Variants in PLEKHB1 observed in about 807,000 individuals in gnomAD.
The protein encoded by PLEKHB1 is pleckstrin homology domain-containing family B member 1.
Under a neutral mutation model 36.2 loss-of-function variants are expected in PLEKHB1, and 29 were observed. The observed-to-expected ratio is 0.80, with a 90% CI of 0.60 to 1.09. PLEKHB1 has a LOEUF of 1.09. PLEKHB1 is among the 50% of genes least tolerant of loss of function. The pLI is 0.00. For synonymous variants in PLEKHB1, 138 were observed against 140.0 expected (o/e 0.99, Z 0.10); for missense variants, 330 against 348.2 (o/e 0.95, Z 0.42).
rs56012892 is a variant in PLEKHB1, at chr11:73,646,680, C to A, written c.18+54C>A. On this transcript the variant is annotated intron_variant, in intron 1 of 7. Coordinates refer to ENST00000354190, the MANE Select transcript of PLEKHB1 (RefSeq NM_021200.3). Reference sequence around the variant, plus strand: ...AAGGGCCCAGGGCAGGGTGGGCACCCTTGCCACATAGGGGACGGGACAGAA... The same window carrying A: ...AAGGGCCCAGGGCAGGGTGGGCACCATTGCCACATAGGGGACGGGACAGAA... 5,616 of 1,541,368 alleles carry A rather than the reference C, an allele frequency of 3.6e-3. 13 individuals carry two copies. Among genetic ancestry groups the A allele is most frequent in the Non-Finnish European group, 4.3e-3 (4,945 of 1,138,100 alleles).
At chr11:73,652,922 A>G in intron 4 of PLEKHB1, 53 bp from the exon 5 acceptor site, 2 of 1,524,870 alleles carry the variant, frequency 1.3e-6, no homozygotes, top group Non-Finnish European at 1.8e-6. Flanking sequence ...TGGGGGCCCA[A>G]TTCACCCACC....
chr11:73,652,957 G>A lies in PLEKHB1; in HGVS notation c.351-18G>A. On this transcript the variant is annotated intron_variant, in intron 4 of 7. Coordinates refer to ENST00000354190, the MANE Select transcript of PLEKHB1 (RefSeq NM_021200.3). ...CCCCAAACTCCCTCCTCATGGTCTG[G>A]TGGGATTTGCTTTGCAGAGCATGGA... The A allele has an allele frequency of 6.2e-7, 1 of 1,603,784 alleles. No individual in the cohort carries two copies. The highest frequency in any genetic ancestry group is 8.5e-7 in the Non-Finnish European group (1 of 1,173,224).
intron 2 of PLEKHB1, 70 bp downstream of exon 2, chr11:73,649,157 A>G: frequency 7.2e-6 from 11 of 1,526,474 alleles, no homozygotes; most frequent in Non-Finnish European, 9.7e-6. Context: ...GCCACGGGGA[A>G]CACTTCTCTC....
chr11:73,659,516 C>A (rs1338836040), intron 6 of PLEKHB1, among the ~76,000 whole-genome samples: 1 of 152,310 alleles, frequency 6.6e-6, no homozygotes, highest in African/African-American at 2.4e-5. Flanking sequence ...CTGGTATGCA[C>A]TTGGCCCTGC....
intron 7 of PLEKHB1, 127 bp downstream of exon 7, chr11:73,660,979 A>G: frequency 1.2e-6 from 1 of 850,348 alleles, no homozygotes; most frequent in South Asian, 1.6e-5. Flanking sequence ...CCCAGGCAGA[A>G]CTCTCCGCAA....
In PLEKHB1 at chr11:73,661,374, A is replaced by C; in HGVS notation, c.596-92A>C. On this transcript the variant is annotated intron_variant, in intron 7 of 7. Coordinates refer to ENST00000354190, the MANE Select transcript of PLEKHB1 (RefSeq NM_021200.3). This position sits in a 1 kb window ranked among gnomAD's most constrained non-coding sequence, Gnocchi z 4.6. ...CAGGAGAGTGGGTTCGGCGCCTTAC[A>C]CTGGGTTGGGCTGGAGTGATGCAGG... 2 of 1,465,638 alleles carry C rather than the reference A, an allele frequency of 1.4e-6. No individual in the cohort carries two copies. Among genetic ancestry groups the C allele is most frequent in the Non-Finnish European group, 1.9e-6 (2 of 1,060,498 alleles). The allele number at this position is 1,465,638 out of a possible 1,614,324, so 90.8% of individuals were successfully genotyped here.
intron 2 of PLEKHB1, among the ~76,000 whole-genome samples, chr11:73,649,812 G>A (rs1779935209): frequency 6.6e-6 from 1 of 152,180 alleles, no homozygotes; most frequent in Non-Finnish European, 1.5e-5. Flanking sequence ...ACTGAGCCAG[G>A]TCTCCCTGGG....
intron 6 of PLEKHB1, among the ~76,000 whole-genome samples, chr11:73,657,858 T>C (rs1945025059): frequency 6.6e-6 from 1 of 152,218 alleles, no homozygotes; most frequent in African/African-American, 2.4e-5. Context: ...ACCGTAGAGT[T>C]CACTGACTTA....
At chr11:73,646,681 T>C (rs1944778439) in intron 1 of PLEKHB1, 55 bp downstream of exon 1, 1 of 1,539,236 alleles carries the variant, frequency 6.5e-7, no homozygotes, top group Non-Finnish European at 8.8e-7. Context: ...GTGGGCACCC[T>C]TGCCACATAG....
rs575422727 is a variant in PLEKHB1 at position 73,659,739 on chromosome 11, G to A, written c.496-1014G>A. ...AAGGGTTGGCAGAAATCTAATGGGA[G>A]AGAGGGGAGGGCAGGGAATGCATTC... On this transcript the variant is annotated intron_variant, in intron 6 of 7. Transcript: ENST00000354190. Among the ~76,000 whole-genome samples the A allele has an allele frequency of 7.9e-5, 12 of 152,350 alleles. No individual in the cohort carries two copies. The East Asian group carries it at 2.3e-3, about 29-fold the overall frequency.
At position 73,661,443 on chromosome 11, in the gene PLEKHB1, T is replaced by C. The variant is rs1319408942; in HGVS notation, c.596-23T>C. 6.2e-7 allele frequency: 1 copy of C among 1,613,444 alleles called. No individual in the cohort carries two copies. Among genetic ancestry groups the C allele is most frequent in the Admixed American group, 1.7e-5 (1 of 59,972 alleles). On this transcript the variant is annotated intron_variant, in intron 7 of 7. Coordinates refer to ENST00000354190, the MANE Select transcript of PLEKHB1 (RefSeq NM_021200.3). The surrounding 1 kb of genome is among the most constrained non-coding windows in gnomAD (Gnocchi z 4.6). ...CTACTCCCTCCTAAGTCGCTGATCCTCATGGGCTGTCTCCCTCTGCAGGCC... is the reference window on the plus strand; with the variant it reads ...CTACTCCCTCCTAAGTCGCTGATCCCCATGGGCTGTCTCCCTCTGCAGGCC...
Position 73,661,225 on chromosome 11 carries a change from C to T in PLEKHB1, c.596-241C>T, listed in dbSNP as rs1945109095. ...GTGCTTAGCGATCTCAGGGTTTCCTCGCTGCTCCGCCCTAGCCTGCCGTAG... is the reference window on the plus strand; with the variant it reads ...GTGCTTAGCGATCTCAGGGTTTCCTTGCTGCTCCGCCCTAGCCTGCCGTAG... On this transcript the variant is annotated intron_variant, in intron 7 of 7. Transcript: ENST00000354190. This position sits in a 1 kb window ranked among gnomAD's most constrained non-coding sequence, Gnocchi z 4.6. 6.6e-6 allele frequency among the ~76,000 whole-genome samples: 1 copy of T among 152,330 alleles called. No individual in the cohort carries two copies. The highest frequency in any genetic ancestry group is 1.9e-4 in the East Asian group (1 of 5,176).
At chr11:73,651,967 G>T in intron 4 of PLEKHB1, 77 bp downstream of exon 4, 1 of 1,335,830 alleles carries the variant, frequency 7.5e-7, no homozygotes, top group Non-Finnish European at 1.0e-6. Flanking sequence ...TGGGCCTTCT[G>T]GTTCTCTGAC....
chr11:73,660,925 G>A, intron 7 of PLEKHB1, 73 bp downstream of exon 7: 5 of 1,359,946 alleles, frequency 3.7e-6, no homozygotes, highest in Admixed American at 3.9e-5. Flanking sequence ...CCCACGGTCC[G>A]TAAGTCCGGA....
Position 73,650,558 on chromosome 11 carries a change from A to G in PLEKHB1, c.100A>G (p.Ile34Val), listed in dbSNP as rs535288456. 2 of 1,609,822 alleles carry G rather than the reference A, an allele frequency of 1.2e-6. No homozygotes were observed. The highest frequency in any genetic ancestry group is 1.3e-5 in the African/African-American group (1 of 74,982). Residue 34 changes from isoleucine (I) to valine (V), a missense_variant, in exon 3 of 8, where the codon ATC becomes GTC. Coordinates refer to ENST00000354190, the MANE Select transcript of PLEKHB1 (RefSeq NM_021200.3). ...RGGWLWRQSS[I>V]LRRWKRNWFA... Reference sequence around the variant, plus strand: ...GCATCTGGAATATCGTACAGGCTCCATCCTCCGCCGCTGGAAGCGGAACTG... The same window carrying G: ...GCATCTGGAATATCGTACAGGCTCCGTCCTCCGCCGCTGGAAGCGGAACTG...
intron 6 of PLEKHB1, among the ~76,000 whole-genome samples, chr11:73,658,920 C>G (rs1467224825): frequency 6.6e-6 from 1 of 152,160 alleles, no homozygotes; most frequent in Non-Finnish European, 1.5e-5. Context: ...CCTAGCCTTT[C>G]TTGATTTGAG....
intron 1 of PLEKHB1, chr11:73,647,338 A>G (rs1247352873): frequency 6.4e-6 from 1 of 156,770 alleles, no homozygotes; most frequent in Admixed American, 6.5e-5. Flanking sequence ...AAAACATGCA[A>G]AACTAGGAGC....
intron 6 of PLEKHB1, among the ~76,000 whole-genome samples, chr11:73,659,889 A>G (rs1945068649): frequency 6.6e-6 from 1 of 152,180 alleles, no homozygotes; most frequent in Non-Finnish European, 1.5e-5. Context: ...GACCTGGTAC[A>G]TAGTAGGTGC....
chr11:73,652,311 C>T (rs1353115728), intron 4 of PLEKHB1: 4 of 183,808 alleles, frequency 2.2e-5, no homozygotes, highest in East Asian at 3.2e-4. Context: ...CAGTCAGCTG[C>T]GTCCCAGGCA....
Sources: gnomAD v4.1 joint callset for allele counts (sites outside exome capture counted in the v4.1 genomes callset) on GRCh38, gnomAD v4.1.1 for gene constraint, Gnocchi (gnomAD v3.1) non-coding constraint, MANE v1.5 for transcripts, NCBI Gene and HGNC (gene_info 2026-07-23, HGNC 2026-07-21) for gene names.